ETFA: variants seen among roughly 807,000 people sequenced by gnomAD.
ETFA encodes the protein electron transfer flavoprotein subunit alpha, mitochondrial.
A neutral mutation model predicts 46.2 loss-of-function variants in ETFA; 22 were observed. That is an observed-to-expected ratio of 0.48 (90% confidence interval 0.34 to 0.68). ETFA has a LOEUF of 0.68. Ranked by LOEUF, ETFA falls within the 30% of genes least tolerant of loss-of-function variation. ETFA has a pLI of 0.01. For missense variants in ETFA, 345 were observed against 401.1 expected (o/e 0.86, Z 1.19); for synonymous variants, 131 against 139.9 (o/e 0.94, Z 0.45).
Position 76,283,790 on chromosome 15 carries a change from A to G in ETFA, c.700T>C (p.Leu234=), listed in dbSNP as rs2039678419. 2.5e-6 allele frequency: 4 copies of G among 1,612,596 alleles called. No homozygotes were observed. Among genetic ancestry groups the G allele is most frequent in the African/African-American group, 2.7e-5 (2 of 75,020 alleles). The change falls in exon 8 of 12, where the codon TTA becomes CTA. Residue 234 remains leucine, a synonymous_variant. Coordinates refer to ENST00000557943, the MANE Select transcript of ETFA (RefSeq NM_000126.4). ...GLKSGENFKL[L]YDLADQLHAA... ...TGTAGTTGATCTGCCAAGTCATATA[A>G]CAACTTAAAGTTCTCTCCACTCTTC...
chr15:76,251,059 T>C (rs185090358), intron 9 of ETFA, among the ~76,000 whole-genome samples: 4 of 152,134 alleles, frequency 2.6e-5, no homozygotes, highest in South Asian at 2.1e-4. Context: ...ATACAGCGAA[T>C]ATAAGCTACA....
At chr15:76,233,749 CA>C (rs2039094068) in intron 9 of ETFA, among the ~76,000 whole-genome samples, 1 of 152,144 alleles carries the variant, frequency 6.6e-6, no homozygotes, top group Non-Finnish European at 1.5e-5. Context: ...ACCCGGCAAA[CA>C]AATTCTAACA....
At chr15:76,287,190 G>C (rs1049407584) in intron 5 of ETFA, among the ~76,000 whole-genome samples, 1 of 152,156 alleles carries the variant, frequency 6.6e-6, no homozygotes, top group African/African-American at 2.4e-5. Flanking sequence ...TTGAGACAGG[G>C]TCTTGCTCTG....
intron 4 of ETFA, among the ~76,000 whole-genome samples, chr15:76,288,370 A>G (rs2039721723): frequency 6.6e-6 from 1 of 152,176 alleles, no homozygotes; most frequent in Admixed American, 6.5e-5. Context: ...TAAAAGAAAA[A>G]AATTCACAGC....
At chr15:76,283,065 T>G (rs1450523150) in intron 8 of ETFA, among the ~76,000 whole-genome samples, 1 of 152,186 alleles carries the variant, frequency 6.6e-6, no homozygotes, top group African/African-American at 2.4e-5. Context: ...TATTTTTAAC[T>G]ACAAACTTAA....
intron 9 of ETFA, chr15:76,259,450 C>G (rs2039379446): frequency 1.0e-6 from 1 of 983,146 alleles, no homozygotes; most frequent in South Asian, 1.3e-5. Context: ...TCCATACACT[C>G]TGGAAGCTGT....
intron 9 of ETFA, among the ~76,000 whole-genome samples, chr15:76,231,845 A>G (rs529854419): frequency 4.4e-4 from 67 of 152,348 alleles, no homozygotes; most frequent in African/African-American, 1.6e-3. Flanking sequence ...ATATATTAAA[A>G]TAATTTTTGA....
chr15:76,295,416 G>A (rs1479536398), intron 2 of ETFA, among the ~76,000 whole-genome samples, 175 bp downstream of exon 2: 1 of 152,172 alleles, frequency 6.6e-6, no homozygotes, highest in East Asian at 1.9e-4. Flanking sequence ...AAAATGCTTA[G>A]GGAAGAAACC....
At chr15:76,294,816 T>A (rs1164264242) in intron 2 of ETFA, among the ~76,000 whole-genome samples, 1 of 152,198 alleles carries the variant, frequency 6.6e-6, no homozygotes, top group Non-Finnish European at 1.5e-5. Flanking sequence ...CCCAAAGTCC[T>A]GGGATTATAG....
At chr15:76,243,292 GA>G (rs111483759) in intron 9 of ETFA, among the ~76,000 whole-genome samples, 1 of 149,386 alleles carries the variant, frequency 6.7e-6, no homozygotes, top group African/African-American at 2.5e-5. Context: ...AAAAGAAAAA[GA>G]AAAAAAATCG....
At chr15:76,296,653 A>G (rs1295983292) in intron 1 of ETFA, among the ~76,000 whole-genome samples, 2 of 152,252 alleles carry the variant, frequency 1.3e-5, no homozygotes, top group African/African-American at 4.8e-5. Flanking sequence ...CTGGATTCAA[A>G]AAAGGAAGCT....
intron 4 of ETFA, among the ~76,000 whole-genome samples, chr15:76,288,724 A>G (rs2039725774): frequency 6.6e-6 from 1 of 151,544 alleles, no homozygotes; most frequent in Non-Finnish European, 1.5e-5. Context: ...AAGAAAAAAA[A>G]AAAAAAGGAA....
intron 9 of ETFA, among the ~76,000 whole-genome samples, chr15:76,266,955 T>A (rs1419346858): frequency 6.6e-6 from 1 of 152,174 alleles, no homozygotes; most frequent in Non-Finnish European, 1.5e-5. Flanking sequence ...CTTAAATGAT[T>A]TCTAAAAATT....
intron 1 of ETFA, among the ~76,000 whole-genome samples, chr15:76,305,738 C>CTCATGCAAACTGGCTT (rs2039932837): frequency 1.3e-5 from 2 of 152,188 alleles, no homozygotes; most frequent in African/African-American, 4.8e-5. Context: ...TTTTCAGTTA[C>CTCATGCAAACTGGCTT]TCATGCAAAC....
intron 9 of ETFA, among the ~76,000 whole-genome samples, chr15:76,269,488 T>C (rs1445866808): frequency 6.6e-6 from 1 of 152,190 alleles, no homozygotes; most frequent in African/African-American, 2.4e-5. Flanking sequence ...AACCCCCACA[T>C]CCTCACCACC....
At chr15:76,304,417 C>T (rs1567222086) in intron 1 of ETFA, among the ~76,000 whole-genome samples, 1 of 152,144 alleles carries the variant, frequency 6.6e-6, no homozygotes, top group East Asian at 1.9e-4. Context: ...AATAAATCTG[C>T]ACAGATACCC....
intron 11 of ETFA, among the ~76,000 whole-genome samples, chr15:76,219,410 T>C (rs2038932781): frequency 6.6e-6 from 1 of 152,156 alleles, no homozygotes; most frequent in Admixed American, 6.5e-5. Context: ...TGACCCAATA[T>C]TTGGCAATGG....
intron 1 of ETFA, among the ~76,000 whole-genome samples, chr15:76,310,659 C>A (rs1276782950): frequency 6.6e-6 from 1 of 152,226 alleles, no homozygotes; most frequent in Non-Finnish European, 1.5e-5. Context: ...CACCAGTTAA[C>A]CTAATCTACA....
At chr15:76,219,193 G>A (rs2038930373) in intron 11 of ETFA, among the ~76,000 whole-genome samples, 1 of 152,212 alleles carries the variant, frequency 6.6e-6, no homozygotes, top group Non-Finnish European at 1.5e-5. Flanking sequence ...AGAAAGATAA[G>A]TAGTTTGCCA....
Sources: gnomAD v4.1 joint callset for allele counts (sites outside exome capture counted in the v4.1 genomes callset) on GRCh38, gnomAD v4.1.1 for gene constraint, MANE v1.5 for transcripts, NCBI Gene and HGNC (gene_info 2026-07-23, HGNC 2026-07-21) for gene names.